Variants in PIK3C2A observed in about 807,000 individuals in gnomAD.
PIK3C2A encodes phosphatidylinositol-4-phosphate 3-kinase catalytic subunit type 2 alpha, also known as phosphatidylinositol 4-phosphate 3-kinase C2 domain-containing subunit alpha.
Under a neutral mutation model 204.5 loss-of-function variants are expected in PIK3C2A, and 97 were observed. The ratio of observed to expected loss-of-function variants is 0.47; its 90% CI spans 0.40 to 0.56. The LOEUF (loss-of-function observed/expected upper bound fraction) is 0.56. PIK3C2A is among the 20% of genes least tolerant of loss of function. The probability of loss-of-function intolerance (pLI) is 0.00; values close to 1 mark genes in which losing one functional copy is unlikely to be tolerated. For missense variants in PIK3C2A, 1,735 were observed against 1,969.2 expected (o/e 0.88, Z 2.25); for synonymous variants, 653 against 664.4 (o/e 0.98, Z 0.26).
At chr11:17,102,979 A>T in intron 23 of PIK3C2A, 148 bp from the exon 24 acceptor site, 1 of 552,858 alleles carries the variant, frequency 1.8e-6, no homozygotes, top group Non-Finnish European at 3.1e-6. Context: ...TAGTAATAAA[A>T]GCCAATCTTT....
intron 27 of PIK3C2A, among the ~76,000 whole-genome samples, chr11:17,096,179 C>T (rs1848450743): frequency 6.6e-6 from 1 of 151,964 alleles, no homozygotes; most frequent in African/African-American, 2.4e-5. Context: ...GCTGGGACTA[C>T]AGACACATGC....
At chr11:17,148,962 A>T (rs1294902335) in intron 4 of PIK3C2A, among the ~76,000 whole-genome samples, 175 bp from the exon 5 acceptor site, 1 of 152,208 alleles carries the variant, frequency 6.6e-6, no homozygotes, top group African/African-American at 2.4e-5. Flanking sequence ...AAATGGAAAG[A>T]GGTGAAGCTA....
At position 17,199,135 on chromosome 11, in the gene PIK3C2A, AG is replaced by A. The variant is rs1305223024; in HGVS notation, c.-66+8712del. ...CACCGTCTCAAGAAAAAAAAAAAAA[AG>A]CCAACTTATTATCAATAAGGACATG... On this transcript the variant is annotated intron_variant, in intron 1 of 32. Coordinates refer to ENST00000691414, the MANE Select transcript of PIK3C2A (RefSeq NM_002645.4). Among the ~76,000 whole-genome samples, 3 of 150,178 alleles carry A rather than the reference AG, an allele frequency of 2.0e-5. No homozygotes were observed. The East Asian group carries it at 5.9e-4, about 30-fold the overall frequency.
intron 2 of PIK3C2A, 134 bp from the exon 3 acceptor site, chr11:17,155,763 T>A: frequency 1.9e-6 from 1 of 524,242 alleles, no homozygotes; most frequent in Non-Finnish European, 3.4e-6. Flanking sequence ...CAATAACAAA[T>A]TTTTAAATTA....
chr11:17,153,586 A>C (rs1010228700), intron 3 of PIK3C2A, among the ~76,000 whole-genome samples: 28 of 152,208 alleles, frequency 1.8e-4, no homozygotes, highest in African/African-American at 6.8e-4. Context: ...CAGAATCTTA[A>C]ACTGAAAGAG....
At chr11:17,114,768 C>G (rs1335798050) in intron 19 of PIK3C2A, among the ~76,000 whole-genome samples, 1 of 152,114 alleles carries the variant, frequency 6.6e-6, no homozygotes, top group African/African-American at 2.4e-5. Context: ...AAATTTAAAA[C>G]AACATCCTGT....
intron 15 of PIK3C2A, among the ~76,000 whole-genome samples, chr11:17,121,605 A>G (rs184911876): frequency 1.3e-3 from 201 of 152,326 alleles, no homozygotes; most frequent in African/African-American, 4.6e-3. Flanking sequence ...TGCAAATAGT[A>G]TAATTCCCAT....
chr11:17,093,638 C>CTTT (rs1041792390), intron 28 of PIK3C2A, among the ~76,000 whole-genome samples: 2 of 140,810 alleles, frequency 1.4e-5, no homozygotes, highest in African/African-American at 2.8e-5. Context: ...TAGCATATGA[C>CTTT]TTTTTTTTTG....
At chr11:17,112,940 C>T (rs1849047088) in intron 20 of PIK3C2A, among the ~76,000 whole-genome samples, 1 of 152,100 alleles carries the variant, frequency 6.6e-6, no homozygotes, top group Non-Finnish European at 1.5e-5. Context: ...CATGCACCAA[C>T]ATGCCCAGCT....
intron 8 of PIK3C2A, among the ~76,000 whole-genome samples, chr11:17,142,372 C>G (rs1186527028): frequency 6.6e-6 from 1 of 151,898 alleles, no homozygotes; most frequent in East Asian, 1.9e-4. Context: ...GTTTGGTAGT[C>G]AGGAAGATAA....
intron 5 of PIK3C2A, among the ~76,000 whole-genome samples, chr11:17,147,844 A>G (rs558770918): frequency 1.3e-5 from 2 of 152,332 alleles, no homozygotes; most frequent in African/African-American, 4.8e-5. Context: ...GAAGAAGGAA[A>G]TAAGAAAAAT....
At chr11:17,143,025 C>T (rs1590956879) in intron 8 of PIK3C2A, among the ~76,000 whole-genome samples, 1 of 151,576 alleles carries the variant, frequency 6.6e-6, no homozygotes, top group Middle Eastern at 3.4e-3. Flanking sequence ...CCTCATCCTG[C>T]CTATGGCTGC....
chr11:17,091,912 C>G lies in PIK3C2A; in HGVS notation c.4642+84G>C, dbSNP rs912109110. 2.0e-5 allele frequency: 18 copies of G among 878,828 alleles called. No homozygotes were observed. In the African/African-American group the frequency reaches 3.0e-4, roughly 15 times the overall value. 54.4% of individuals were successfully genotyped at this position (878,828 alleles called of 1,614,324 possible). On this transcript the variant is annotated intron_variant, in intron 30 of 32. Transcript: ENST00000691414. ...CATTCTCAGACTACAGCTAGTAAGC[C>G]TGCTGTCATTCTACCACATTCATCG...
intron 19 of PIK3C2A, among the ~76,000 whole-genome samples, chr11:17,114,701 T>C (rs954146802): frequency 1.3e-5 from 2 of 152,226 alleles, no homozygotes; most frequent in African/African-American, 2.4e-5. Context: ...AGCTCACTAA[T>C]AGTCAAAGAA....
intron 18 of PIK3C2A, among the ~76,000 whole-genome samples, chr11:17,118,355 G>A (rs909489958): frequency 1.3e-5 from 2 of 152,146 alleles, no homozygotes; most frequent in Non-Finnish European, 2.9e-5. Flanking sequence ...TTACAAGCAT[G>A]AGCCACCACG....
chr11:17,135,284 A>G, intron 9 of PIK3C2A, 125 bp from the exon 10 acceptor site: 1 of 871,704 alleles, frequency 1.1e-6, no homozygotes, highest in South Asian at 1.6e-5. Context: ...AATTAATAAA[A>G]CGATAAATAA....
At chr11:17,145,152 G>A (rs936915637) in intron 8 of PIK3C2A, among the ~76,000 whole-genome samples, 1 of 152,108 alleles carries the variant, frequency 6.6e-6, no homozygotes, top group Non-Finnish European at 1.5e-5. Flanking sequence ...GGTTAATGCT[G>A]GAATGAGTTA....
rs535407259 is a variant in PIK3C2A at position 17,146,706 on chromosome 11, G to A, written c.1561-764C>T. On this transcript the variant is annotated intron_variant, in intron 6 of 32. Transcript: ENST00000691414. Reference sequence around the variant, plus strand: ...ATTGCACTCCAGCCTGGATGACAGAGGGAAACTCTGTCTCCAAAAGAAAAA... The same window carrying A: ...ATTGCACTCCAGCCTGGATGACAGAAGGAAACTCTGTCTCCAAAAGAAAAA... 8.6e-5 allele frequency among the ~76,000 whole-genome samples: 13 copies of A among 150,834 alleles called. No individual in the cohort carries two copies. In the East Asian group the frequency reaches 2.3e-3, roughly 27 times the overall value.
chr11:17,175,887 C>A (rs977701924), intron 1 of PIK3C2A, among the ~76,000 whole-genome samples: 4 of 152,056 alleles, frequency 2.6e-5, no homozygotes, highest in Non-Finnish European at 5.9e-5. Context: ...CTTAAAATTT[C>A]AAGACAACTA....
Sources: allele counts gnomAD v4.1 joint callset (sites outside exome capture counted in the v4.1 genomes callset), GRCh38; gene constraint gnomAD v4.1.1; transcripts MANE v1.5; gene names NCBI Gene and HGNC (gene_info 2026-07-23, HGNC 2026-07-21).